ZNF385D: variants seen among roughly 807,000 people sequenced by gnomAD.
ZNF385D encodes the protein zinc finger protein 659.
A neutral mutation model predicts 35.8 loss-of-function variants in ZNF385D; 15 were observed. That is an observed-to-expected ratio of 0.42 (90% CI 0.28 to 0.64). The LOEUF is 0.64. Among genes scored for constraint, ZNF385D ranks in the 30% least tolerant of loss-of-function variants. The pLI is 0.23. For missense variants in ZNF385D, 474 were observed against 494.6 expected (o/e 0.96, Z 0.39); for synonymous variants, 212 against 186.8 (o/e 1.13, Z -1.10).
rs114656150 is a variant in ZNF385D at position 21,958,788 on chromosome 3, A to G, written c.325+210029T>C. The G allele has an allele frequency of 2.3e-3, 343 of 152,324 alleles. 3 individuals are homozygous for G. The highest frequency in any genetic ancestry group is 7.8e-3 in the African/African-American group (324 of 41,574). 9.4% of individuals were successfully genotyped at this position (152,324 alleles called of 1,614,324 possible). A position where few individuals can be genotyped will look rare whatever the true frequency, so the allele number is the denominator to read the frequency against. ...ATAGCAATCAGAGAATTTTCTAAAT[A>G]TAAACCATGGATGTTCACGATATTA... On this transcript the variant is annotated intron_variant, in intron 3 of 5. Coordinates refer to the ZNF385D transcript ENST00000494108.
chr3:21,990,316 G>A lies in ZNF385D; in HGVS notation c.325+178501C>T, dbSNP rs140417536. ...TCTAGCAAAGCCTTGGTCAACATCA[G>A]TAGTTATTTGGGAGCAAAAAGGAAC... On this transcript the variant is annotated intron_variant, in intron 3 of 5. Transcript: ENST00000494108. Among the ~76,000 whole-genome samples the A allele has an allele frequency of 1.2e-4, 19 of 152,302 alleles. No homozygotes were observed. In the Middle Eastern group the frequency reaches 0.014, roughly 109 times the overall value.
At chr3:21,633,475 A>G (rs1167104322) in intron 2 of ZNF385D, among the ~76,000 whole-genome samples, 1 of 152,114 alleles carries the variant, frequency 6.6e-6, no homozygotes, top group Non-Finnish European at 1.5e-5. Context: ...GTAGGACAAG[A>G]GAAAAAAACC....
intron 2 of ZNF385D, among the ~76,000 whole-genome samples, chr3:21,621,343 A>G (rs767523827): frequency 1.3e-5 from 2 of 152,122 alleles, no homozygotes; most frequent in Non-Finnish European, 2.9e-5. Flanking sequence ...CTTTAGATCT[A>G]TCAGTTACTA....
At chr3:21,471,273 TTTCTCTCTCTCTCTCTCTCTCTCA>T (rs61157576) in intron 4 of ZNF385D, among the ~76,000 whole-genome samples, 25,993 of 86,652 alleles carry the variant, frequency 0.3, 2,843 homozygotes, top group Non-Finnish European at 0.35. Flanking sequence ...TCTCTCTCTC[TTTCTCTCTCTCTCTCTCTCTCTCA>T]CACACACACA....
intron 3 of ZNF385D, among the ~76,000 whole-genome samples, chr3:21,935,635 C>G (rs541391940): frequency 6.6e-6 from 1 of 152,048 alleles, no homozygotes. Context: ...TAAAAAGTTG[C>G]TTGTCTGTTT....
chr3:22,003,684 T>C (rs1194636934), intron 3 of ZNF385D, among the ~76,000 whole-genome samples: 2 of 151,892 alleles, frequency 1.3e-5, no homozygotes, highest in African/African-American at 4.8e-5. Context: ...TGGGCCAACA[T>C]GATGAAACCA....
chr3:21,519,038 A>G (rs1707755734), intron 3 of ZNF385D, among the ~76,000 whole-genome samples: 1 of 152,144 alleles, frequency 6.6e-6, no homozygotes, highest in Admixed American at 6.6e-5. Flanking sequence ...TTTGAGCTCA[A>G]GTGATTGATG....
chr3:22,263,216 C>G (rs923721279), intron 2 of ZNF385D, among the ~76,000 whole-genome samples: 1 of 151,972 alleles, frequency 6.6e-6, no homozygotes, highest in Non-Finnish European at 1.5e-5. Flanking sequence ...CCTGCAATGA[C>G]GTACTGTGCC....
chr3:21,828,018 G>C (rs1408532397), intron 3 of ZNF385D, among the ~76,000 whole-genome samples: 1 of 152,180 alleles, frequency 6.6e-6, no homozygotes, highest in Non-Finnish European at 1.5e-5. Flanking sequence ...CAGAGTTTAT[G>C]CATTTTCTTC....
At chr3:22,345,021 T>C (rs560269350) in intron 2 of ZNF385D, among the ~76,000 whole-genome samples, 2 of 152,346 alleles carry the variant, frequency 1.3e-5, no homozygotes, top group African/African-American at 2.4e-5. Context: ...AACCTTATTC[T>C]GAGAAACTCT....
chr3:22,229,962 T>C (rs1055416781), intron 2 of ZNF385D, among the ~76,000 whole-genome samples: 1 of 152,210 alleles, frequency 6.6e-6, no homozygotes, highest in African/African-American at 2.4e-5. Flanking sequence ...AACACCTTGC[T>C]ACCTATACTT....
chr3:21,462,160 T>A (rs1314079705), intron 4 of ZNF385D, among the ~76,000 whole-genome samples: 1 of 152,180 alleles, frequency 6.6e-6, no homozygotes, highest in African/African-American at 2.4e-5. Flanking sequence ...TGGTTAGAGA[T>A]GTTGTATGCA....
intron 4 of ZNF385D, among the ~76,000 whole-genome samples, chr3:21,479,525 T>A (rs1489759175): frequency 6.6e-6 from 1 of 152,126 alleles, no homozygotes; most frequent in Non-Finnish European, 1.5e-5. Context: ...GAATAAAAAA[T>A]TAAGACATGC....
At chr3:21,977,293 T>C (rs1703690052) in intron 3 of ZNF385D, among the ~76,000 whole-genome samples, 1 of 151,978 alleles carries the variant, frequency 6.6e-6, no homozygotes, top group African/African-American at 2.4e-5. Context: ...TTTGTGTTTG[T>C]GTGCTTTTGT....
At chr3:21,702,118 T>A (rs1179560621) in intron 1 of ZNF385D, among the ~76,000 whole-genome samples, 2 of 152,212 alleles carry the variant, frequency 1.3e-5, no homozygotes, top group South Asian at 2.1e-4. Flanking sequence ...ATATTTCCCT[T>A]CTGTACTGCC....
At chr3:22,218,417 A>G (rs1559459752) in intron 2 of ZNF385D, among the ~76,000 whole-genome samples, 1 of 152,028 alleles carries the variant, frequency 6.6e-6, no homozygotes, top group Non-Finnish European at 1.5e-5. Context: ...ATAAATTATA[A>G]TAATTTATTT....
At chr3:22,264,902 C>A (rs1700819595) in intron 2 of ZNF385D, among the ~76,000 whole-genome samples, 1 of 151,924 alleles carries the variant, frequency 6.6e-6, no homozygotes. Context: ...CATGTTGAGC[C>A]CCTTCAAAAG....
intron 3 of ZNF385D, among the ~76,000 whole-genome samples, chr3:21,787,326 C>T (rs1286535448): frequency 1.3e-5 from 2 of 151,942 alleles, no homozygotes; most frequent in South Asian, 2.1e-4. Flanking sequence ...AAATGGACTT[C>T]GAAGACTCAC....
chr3:21,833,089 C>T lies in ZNF385D; in HGVS notation c.326-168061G>A, dbSNP rs7643186. On this transcript the variant is annotated intron_variant, in intron 3 of 5. Transcript: ENST00000494108. ...ATGCATTTATTCATTCATCAATCAACGAATATTTATTGAGTACCTACTGTA... is the reference window on the plus strand; with the variant it reads ...ATGCATTTATTCATTCATCAATCAATGAATATTTATTGAGTACCTACTGTA... Among the ~76,000 whole-genome samples, 413 of 152,180 alleles carry T rather than the reference C, an allele frequency of 2.7e-3. 3 individuals carry two copies. The highest frequency in any genetic ancestry group is 9.2e-3 in the African/African-American group (384 of 41,538).
Sources: allele counts gnomAD v4.1 joint callset (sites outside exome capture counted in the v4.1 genomes callset), GRCh38; gene constraint gnomAD v4.1.1; transcripts MANE v1.5; gene names NCBI Gene and HGNC (gene_info 2026-07-23, HGNC 2026-07-21).